SLC35F3: variants seen among roughly 807,000 people sequenced by gnomAD.
SLC35F3 encodes the protein solute carrier family 35 member F3, also known as putative thiamine transporter SLC35F3.
Under a neutral mutation model 49.9 loss-of-function variants are expected in SLC35F3, and 25 were observed. The ratio of observed to expected loss-of-function variants is 0.50; its 90% CI spans 0.37 to 0.70. SLC35F3 has a LOEUF of 0.70. SLC35F3 is among the 30% of genes least tolerant of loss of function. The probability of loss-of-function intolerance (pLI) is 0.00; values close to 1 mark genes in which losing one functional copy is unlikely to be tolerated. For missense variants in SLC35F3, 525 were observed against 639.8 expected, an observed-to-expected ratio of 0.82 and a Z score of 1.94; for synonymous variants, 275 against 265.4, an observed-to-expected ratio of 1.04 and a Z score of -0.35.
At chr1:234,107,655 C>G (rs1665305152) in intron 2 of SLC35F3, among the ~76,000 whole-genome samples, 1 of 116,472 alleles carries the variant, frequency 8.6e-6, no homozygotes, top group Non-Finnish European at 1.9e-5. Context: ...CTCTATTTAC[C>G]CAGCTCCTGG....
intron 2 of SLC35F3, among the ~76,000 whole-genome samples, chr1:234,196,681 T>G (rs1429245802): frequency 6.6e-6 from 1 of 152,244 alleles, no homozygotes; most frequent in Non-Finnish European, 1.5e-5. Flanking sequence ...GGCTCACACC[T>G]GTAAGCCCAG....
intron 2 of SLC35F3, among the ~76,000 whole-genome samples, chr1:234,005,779 C>A (rs1663620803): frequency 6.6e-6 from 1 of 152,134 alleles, no homozygotes; most frequent in African/African-American, 2.4e-5. Context: ...CAGAGCCAGA[C>A]AAAGTGAGAT....
At chr1:234,023,708 C>T (rs181609747) in intron 2 of SLC35F3, among the ~76,000 whole-genome samples, 1 of 152,070 alleles carries the variant, frequency 6.6e-6, no homozygotes, top group Non-Finnish European at 1.5e-5. Context: ...TCAGGGTCCA[C>T]ATCATGCTGG....
chr1:234,113,462 G>A (rs1047215652), intron 2 of SLC35F3, among the ~76,000 whole-genome samples: 1 of 152,242 alleles, frequency 6.6e-6, no homozygotes, highest in African/African-American at 2.4e-5. Flanking sequence ...TAAATGTAAT[G>A]TTGGAAGGTA....
At chr1:234,016,336 A>G (rs1372918721) in intron 2 of SLC35F3, among the ~76,000 whole-genome samples, 1 of 152,176 alleles carries the variant, frequency 6.6e-6, no homozygotes, top group Admixed American at 6.5e-5. Flanking sequence ...AGCTATCTGC[A>G]CTCTCACTTT....
chr1:234,025,310 T>C (rs1176187644), intron 2 of SLC35F3, among the ~76,000 whole-genome samples: 2 of 152,254 alleles, frequency 1.3e-5, no homozygotes, highest in East Asian at 1.9e-4. Context: ...GGCAGAATGA[T>C]TTATTTTCCT....
chr1:234,021,588 A>T (rs959201198), intron 2 of SLC35F3, among the ~76,000 whole-genome samples: 17 of 152,194 alleles, frequency 1.1e-4, no homozygotes, highest in African/African-American at 4.1e-4. Flanking sequence ...CCATTACATC[A>T]CCCAAATGAT....
intron 3 of SLC35F3, among the ~76,000 whole-genome samples, chr1:234,268,273 C>A (rs536265536): frequency 6.6e-6 from 1 of 152,142 alleles, no homozygotes; most frequent in East Asian, 1.9e-4. Flanking sequence ...GCCAACACAG[C>A]GAAACCCCGT....
intron 2 of SLC35F3, among the ~76,000 whole-genome samples, chr1:234,161,369 G>A (rs1666224911): frequency 6.6e-6 from 1 of 151,928 alleles, no homozygotes; most frequent in Admixed American, 6.5e-5. Flanking sequence ...TCTTTCTGCA[G>A]AGGTTGATGC....
At chr1:233,983,058 G>A (rs563914557) in intron 2 of SLC35F3, among the ~76,000 whole-genome samples, 3 of 152,264 alleles carry the variant, frequency 2.0e-5, no homozygotes, top group East Asian at 3.9e-4. Context: ...GTGGCTGCAC[G>A]TCATCCCCCT....
intron 2 of SLC35F3, among the ~76,000 whole-genome samples, chr1:233,953,600 A>G (rs1662645277): frequency 6.6e-6 from 1 of 152,218 alleles, no homozygotes; most frequent in Admixed American, 6.5e-5. Context: ...GAGGAGATGG[A>G]TGCACCACGC....
At chr1:234,082,453 T>C (rs775465771) in intron 2 of SLC35F3, among the ~76,000 whole-genome samples, 20 of 152,126 alleles carry the variant, frequency 1.3e-4, no homozygotes, top group Admixed American at 7.9e-4. Flanking sequence ...TGTTTTTTGG[T>C]TTTACATTCT....
At chr1:233,916,332 A>G (rs541724380) in intron 2 of SLC35F3, among the ~76,000 whole-genome samples, 10 of 152,324 alleles carry the variant, frequency 6.6e-5, no homozygotes, top group Non-Finnish European at 4.4e-5. Flanking sequence ...CAGTGGCACA[A>G]TCATCGCTCA....
At chr1:233,964,566 G>A (rs1662865925) in intron 2 of SLC35F3, among the ~76,000 whole-genome samples, 3 of 152,216 alleles carry the variant, frequency 2.0e-5, no homozygotes, top group South Asian at 2.1e-4. Flanking sequence ...ATGCTGTAAA[G>A]GAGGCGAATC....
chr1:234,311,121 A>G (rs947997829), intron 4 of SLC35F3, among the ~76,000 whole-genome samples: 1 of 152,232 alleles, frequency 6.6e-6, no homozygotes, highest in African/African-American at 2.4e-5. Flanking sequence ...AGCACTGTGC[A>G]GTTATGAGTC....
chr1:234,161,858 C>A (rs1163303495), intron 2 of SLC35F3, among the ~76,000 whole-genome samples: 1 of 152,056 alleles, frequency 6.6e-6, no homozygotes, highest in Non-Finnish European at 1.5e-5. Context: ...CAGGGCCCAA[C>A]CCCCTGGGCA....
chr1:234,092,230 A>G lies in SLC35F3; in HGVS notation c.284-139187A>G, dbSNP rs1054677433. 3.2e-4 allele frequency among the ~76,000 whole-genome samples: 48 copies of G among 152,304 alleles called. 1 individual carries two copies. Among genetic ancestry groups the G allele is most frequent in the Admixed American group, 2.5e-3 (38 of 15,296 alleles). ...CCTGAGTTTATCTCTGTCTGGCTTT[A>G]TTATCAAGTTCCTTTACAGAAACTT... On this transcript the variant is annotated intron_variant, in intron 2 of 7. Coordinates refer to ENST00000366618, the MANE Select transcript of SLC35F3 (RefSeq NM_173508.4).
At chr1:234,224,332 T>C (rs1304142919) in intron 2 of SLC35F3, among the ~76,000 whole-genome samples, 1 of 152,178 alleles carries the variant, frequency 6.6e-6, no homozygotes, top group Non-Finnish European at 1.5e-5. Context: ...CTCCCAAACC[T>C]CTGGGATTAC....
chr1:233,912,201 C>G (rs373389156), intron 2 of SLC35F3, among the ~76,000 whole-genome samples: 1 of 152,062 alleles, frequency 6.6e-6, no homozygotes, highest in Non-Finnish European at 1.5e-5. Context: ...CTAGTTTCGC[C>G]GTGCGCGGTG....
Sources: allele counts gnomAD v4.1 joint callset (sites outside exome capture counted in the v4.1 genomes callset), GRCh38; gene constraint gnomAD v4.1.1; transcripts MANE v1.5; gene names NCBI Gene and HGNC (gene_info 2026-07-23, HGNC 2026-07-21).